The following BMPR1B variants were observed in gnomAD, a reference collection of about 807,000 sequenced individuals.
BMPR1B encodes the protein bone morphogenetic protein receptor type-1B.
BMPR1B carries 12 observed loss-of-function variants against 59.1 expected under a neutral mutation model. The observed-to-expected ratio is 0.20, with a 90% CI of 0.13 to 0.33. The LOEUF is 0.33. Among genes scored for constraint, BMPR1B ranks in the 10% least tolerant of loss-of-function variants. The pLI is 1.00. For missense variants in BMPR1B, 550 were observed against 610.9 expected (o/e 0.90, Z 1.05); for synonymous variants, 237 against 207.3 (o/e 1.14, Z -1.23).
chr4:94,843,958 T>C (rs565329965), intron 1 of BMPR1B, among the ~76,000 whole-genome samples: 5 of 151,480 alleles, frequency 3.3e-5, no homozygotes, highest in African/African-American at 1.2e-4. Flanking sequence ...AAGCATAACC[T>C]TTCTAAGTTT....
intron 1 of BMPR1B, among the ~76,000 whole-genome samples, chr4:94,795,490 A>G (rs1723151657): frequency 6.6e-6 from 1 of 151,560 alleles, no homozygotes; most frequent in South Asian, 2.1e-4. Context: ...TTTGAGATGG[A>G]GTCTCACTCT....
intron 3 of BMPR1B, among the ~76,000 whole-genome samples, chr4:95,074,963 T>C (rs1312308092): frequency 6.6e-6 from 1 of 152,164 alleles, no homozygotes; most frequent in Non-Finnish European, 1.5e-5. Flanking sequence ...ATTTCTTTTT[T>C]TCATGAGGCT....
At chr4:94,847,518 A>G (rs547114005) in intron 1 of BMPR1B, among the ~76,000 whole-genome samples, 1 of 152,324 alleles carries the variant, frequency 6.6e-6, no homozygotes, top group Non-Finnish European at 1.5e-5. Context: ...CACAATAGTC[A>G]AGATTTGGAA....
chr4:94,858,438 C>T (rs1725855017), intron 1 of BMPR1B, among the ~76,000 whole-genome samples: 1 of 151,956 alleles, frequency 6.6e-6, no homozygotes, highest in Non-Finnish European at 1.5e-5. Flanking sequence ...TAAAATGGAA[C>T]CATCCTTCTG....
chr4:94,822,167 G>A (rs1340588879), intron 1 of BMPR1B, among the ~76,000 whole-genome samples: 1 of 152,200 alleles, frequency 6.6e-6, no homozygotes, highest in East Asian at 1.9e-4. Flanking sequence ...AGAGACAAAA[G>A]GGGGCCAGAT....
At chr4:95,144,437 C>T (rs1175536277) in intron 10 of BMPR1B, among the ~76,000 whole-genome samples, 2 of 151,478 alleles carry the variant, frequency 1.3e-5, no homozygotes, top group Non-Finnish European at 2.9e-5. Flanking sequence ...CCTTGGCCTC[C>T]CAAAATGCTG....
chr4:94,970,807 C>T (rs1306208854), intron 2 of BMPR1B, among the ~76,000 whole-genome samples: 2 of 152,132 alleles, frequency 1.3e-5, no homozygotes, highest in African/African-American at 4.8e-5. Flanking sequence ...ATCTTCTCTT[C>T]CAGCTATTAT....
At chr4:94,857,516 T>C (rs1725806972) in intron 1 of BMPR1B, among the ~76,000 whole-genome samples, 1 of 152,202 alleles carries the variant, frequency 6.6e-6, no homozygotes, top group South Asian at 2.1e-4. Flanking sequence ...GTTTAAAAAA[T>C]TTTAGTTTAC....
At chr4:95,067,077 G>T (rs1727867913) in intron 3 of BMPR1B, among the ~76,000 whole-genome samples, 1 of 152,144 alleles carries the variant, frequency 6.6e-6, no homozygotes, top group Admixed American at 6.5e-5. Flanking sequence ...TTTTAATTGA[G>T]AGAGTTGTTG....
rs75260838 is a variant in BMPR1B at position 94,812,014 on chromosome 4, T to A, written c.-183+53946T>A. Among the ~76,000 whole-genome samples the A allele has an allele frequency of 7.5e-3, 1,148 of 152,334 alleles. 11 individuals are homozygous for A. The highest frequency in any genetic ancestry group is 0.025 in the African/African-American group (1,058 of 41,578). ...ACTTTTATAGTTCAAAAATTTTATG[T>A]TGTAGAAATGATAGAAACAATATCT... On this transcript the variant is annotated intron_variant, in intron 1 of 12. Coordinates refer to ENST00000515059, the MANE Select transcript of BMPR1B (RefSeq NM_001203.3).
At chr4:94,992,861 T>A (rs1419551923) in intron 2 of BMPR1B, among the ~76,000 whole-genome samples, 1 of 150,582 alleles carries the variant, frequency 6.6e-6, no homozygotes, top group Non-Finnish European at 1.5e-5. Context: ...GCCATATAGT[T>A]AGAATCATAA....
intron 1 of BMPR1B, among the ~76,000 whole-genome samples, chr4:94,780,910 G>A (rs1476749164): frequency 3.4e-4 from 52 of 151,870 alleles, no homozygotes; most frequent in Non-Finnish European, 4.4e-5. Flanking sequence ...GGATGGTCTC[G>A]ATCTCCTGAC....
In BMPR1B at chr4:94,856,552, C is replaced by A. The variant is rs1338167030; in HGVS notation, c.-182-19279C>A. Among the ~76,000 whole-genome samples the A allele has an allele frequency of 2.0e-5, 3 of 152,302 alleles. No homozygotes were observed. In the Middle Eastern group the frequency reaches 0.01, roughly 518 times the overall value. ...CCTTTTGCTGATTAACAATATGTAACAAGAAGGTCCTGCTGCAGTCCAGAA... is the reference window on the plus strand; with the variant it reads ...CCTTTTGCTGATTAACAATATGTAAAAAGAAGGTCCTGCTGCAGTCCAGAA... On this transcript the variant is annotated intron_variant, in intron 1 of 12. Transcript: ENST00000515059.
At chr4:94,975,106 C>T (rs1020011747) in intron 2 of BMPR1B, among the ~76,000 whole-genome samples, 3 of 152,132 alleles carry the variant, frequency 2.0e-5, no homozygotes, top group African/African-American at 4.8e-5. Flanking sequence ...CTACTTCAGG[C>T]TCCAAGGTCT....
At chr4:95,134,860 G>T (rs1356026396) in intron 10 of BMPR1B, among the ~76,000 whole-genome samples, 4 of 152,268 alleles carry the variant, frequency 2.6e-5, no homozygotes, top group Admixed American at 6.5e-5. Context: ...AAGCTCTTTA[G>T]TTTAATTAGA....
At chr4:94,965,622 GA>G (rs1730526214) in intron 2 of BMPR1B, among the ~76,000 whole-genome samples, 1 of 152,144 alleles carries the variant, frequency 6.6e-6, no homozygotes, top group Admixed American at 6.5e-5. Context: ...AGAGATTGGA[GA>G]AAACATAGAC....
At chr4:94,872,987 A>G (rs930646086) in intron 1 of BMPR1B, among the ~76,000 whole-genome samples, 1 of 152,190 alleles carries the variant, frequency 6.6e-6, no homozygotes, top group Non-Finnish European at 1.5e-5. Flanking sequence ...CAACTGATTC[A>G]GCTGCCTGTA....
At chr4:95,106,115 C>G (rs1731183207) in intron 4 of BMPR1B, among the ~76,000 whole-genome samples, 1 of 151,940 alleles carries the variant, frequency 6.6e-6, no homozygotes, top group Non-Finnish European at 1.5e-5. Context: ...TCAAAAGAAA[C>G]TGTTTTTTCT....
In BMPR1B at chr4:95,156,900, CAGGT is replaced by C. The variant is rs886059742; in HGVS notation, c.*2229_*2232del. ...TCTAAACAGATCATCTACAAAACAA[CAGGT>C]AAACATTTATGCCAGTTAAGTGGGT... On this transcript the variant is annotated 3_prime_UTR_variant, in exon 13 of 13. Transcript: ENST00000515059. 6.6e-6 allele frequency: 1 copy of C among 152,152 alleles called. No individual in the cohort carries two copies. The highest frequency in any genetic ancestry group is 1.5e-5 in the Non-Finnish European group (1 of 68,008). The allele number at this position is 152,152 out of a possible 1,614,324, so 9.4% of individuals were successfully genotyped here.
Sources: gnomAD v4.1 joint callset for allele counts (sites outside exome capture counted in the v4.1 genomes callset) on GRCh38, gnomAD v4.1.1 for gene constraint, MANE v1.5 for transcripts, NCBI Gene and HGNC (gene_info 2026-07-23, HGNC 2026-07-21) for gene names.